ASAP1: variants seen among roughly 807,000 people sequenced by gnomAD.
The protein encoded by ASAP1 is arf-GAP with SH3 domain, ANK repeat and PH domain-containing protein 1.
In ASAP1, 43 loss-of-function variants were observed where a neutral mutation model predicts 145.2. The ratio of observed to expected loss-of-function variants is 0.30; its 90% CI spans 0.23 to 0.38. The LOEUF (loss-of-function observed/expected upper bound fraction) is 0.38, where lower values mean the gene tolerates loss of function less well. Ranked by LOEUF, ASAP1 falls within the 10% of genes least tolerant of loss-of-function variation. ASAP1 has a pLI of 1.00. For missense variants in ASAP1, 1,018 were observed against 1,355.3 expected, an observed-to-expected ratio of 0.75 and a Z score of 3.91; for synonymous variants, 546 against 515.5, an observed-to-expected ratio of 1.06 and a Z score of -0.80.
chr8:130,402,182 C>G (rs774586511), intron 1 of ASAP1, among the ~76,000 whole-genome samples: 7 of 152,190 alleles, frequency 4.6e-5, no homozygotes, highest in Non-Finnish European at 1.0e-4. Flanking sequence ...AATCTCTGTG[C>G]AAGTAAGTGC....
At chr8:130,439,756 G>A (rs1375578210) in intron 1 of ASAP1, among the ~76,000 whole-genome samples, 1 of 152,198 alleles carries the variant, frequency 6.6e-6, no homozygotes, top group East Asian at 1.9e-4. Flanking sequence ...AAGAACGTAA[G>A]CAGACACTCA....
chr8:130,384,380 G>A (rs910863956), intron 2 of ASAP1, among the ~76,000 whole-genome samples: 5 of 152,224 alleles, frequency 3.3e-5, no homozygotes, highest in Admixed American at 6.5e-5. Context: ...TTCTGTGTTA[G>A]TATGTGCCAC....
intron 25 of ASAP1, among the ~76,000 whole-genome samples, chr8:130,085,324 G>C (rs759629546): frequency 5.8e-4 from 88 of 152,288 alleles, no homozygotes; most frequent in Admixed American, 1.6e-3. Context: ...ATTTTGTGGA[G>C]AAATCACACT....
chr8:130,387,791 T>C (rs977197541), intron 2 of ASAP1, among the ~76,000 whole-genome samples: 3 of 152,192 alleles, frequency 2.0e-5, no homozygotes, highest in African/African-American at 7.2e-5. Flanking sequence ...ATGGTTGACT[T>C]AGCAGCAGCC....
At chr8:130,197,625 C>A (rs1289370914) in intron 5 of ASAP1, among the ~76,000 whole-genome samples, 1 of 152,196 alleles carries the variant, frequency 6.6e-6, no homozygotes, top group Non-Finnish European at 1.5e-5. Flanking sequence ...CAAATACAGG[C>A]AAAATGCCTG....
rs192273360 is a variant in ASAP1, at chr8:130,354,927, C to T, written c.186+3090G>A. Among the ~76,000 whole-genome samples the T allele has an allele frequency of 1.4e-4, 21 of 152,356 alleles. No homozygotes were observed. The East Asian group carries it at 3.5e-3, about 25-fold the overall frequency. ...TTGAGACGTAGCCTCACTCTGTCGC[C>T]TAACCTGGTGTGCAGTGGTGCGATC... On this transcript the variant is annotated intron_variant, in intron 3 of 29. Transcript: ENST00000518721.
At position 130,112,219 on chromosome 8, in the gene ASAP1, G is replaced by A. The variant is rs2097548074; in HGVS notation, c.2276C>T (p.Pro759Leu). 9 of 1,614,218 alleles carry A rather than the reference G, an allele frequency of 5.6e-6. No individual in the cohort carries two copies. Among genetic ancestry groups the A allele is most frequent in the Non-Finnish European group, 7.6e-6 (9 of 1,180,054 alleles). ...DKLALPGFST[P>L]RDKQRLSYGA... Reference sequence around the variant, plus strand: ...ATAGGAGAGCCGCTGTTTGTCCCTTGGAGTGCTGAATCCTGGCAGTGCCAG... The same window carrying A: ...ATAGGAGAGCCGCTGTTTGTCCCTTAGAGTGCTGAATCCTGGCAGTGCCAG... Residue 759 changes from proline to leucine, a missense_variant, in exon 24 of 30, where the codon CCA (proline) becomes CTA (leucine). Pro to Leu is a moderately conservative substitution (Grantham distance 98). Coordinates refer to ENST00000518721, the MANE Select transcript of ASAP1 (RefSeq NM_018482.4).
At chr8:130,371,510 A>T (rs1827213171) in intron 2 of ASAP1, among the ~76,000 whole-genome samples, 1 of 152,248 alleles carries the variant, frequency 6.6e-6, no homozygotes, top group South Asian at 2.1e-4. Flanking sequence ...CTTACAGCTA[A>T]GGTGGCTATA....
At chr8:130,256,771 ATATATATATATCCT>A (rs1257449056) in intron 3 of ASAP1, among the ~76,000 whole-genome samples, 26 of 116,292 alleles carry the variant, frequency 2.2e-4, no homozygotes, top group Non-Finnish European at 4.0e-4. Flanking sequence ...ATATATATAT[ATATATATATATCCT>A]TATATATATA....
At chr8:130,072,279 C>G (rs1422639322) in intron 27 of ASAP1, among the ~76,000 whole-genome samples, 2 of 152,132 alleles carry the variant, frequency 1.3e-5, no homozygotes, top group African/African-American at 2.4e-5. Flanking sequence ...AATTGTAGCC[C>G]CCATAATTTC....
intron 25 of ASAP1, among the ~76,000 whole-genome samples, chr8:130,080,696 A>T (rs996272432): frequency 2.0e-5 from 3 of 151,878 alleles, no homozygotes; most frequent in Admixed American, 2.0e-4. Flanking sequence ...GTAGTGGTGC[A>T]ATCTCAGCTC....
rs1367514648 is a variant in ASAP1, at chr8:130,308,208, C to T, written c.186+49809G>A. Among the ~76,000 whole-genome samples, 11 of 152,292 alleles carry T rather than the reference C, an allele frequency of 7.2e-5. No homozygotes were observed. The South Asian group carries it at 2.3e-3, about 32-fold the overall frequency. On this transcript the variant is annotated intron_variant, in intron 3 of 29. Coordinates refer to ENST00000518721, the MANE Select transcript of ASAP1 (RefSeq NM_018482.4). Reference sequence around the variant, plus strand: ...TAGATTCTATAAGCTAAGATTTTCACAGTTGTCCAATTCAAAATATACTTG... The same window carrying T: ...TAGATTCTATAAGCTAAGATTTTCATAGTTGTCCAATTCAAAATATACTTG...
intron 5 of ASAP1, among the ~76,000 whole-genome samples, chr8:130,190,465 C>G (rs1414482984): frequency 2.0e-5 from 3 of 152,074 alleles, no homozygotes; most frequent in Non-Finnish European, 4.4e-5. Flanking sequence ...TGACTGTGAG[C>G]ATGTGAATTT....
chr8:130,329,690 AAAC>A (rs1358005624), intron 3 of ASAP1, among the ~76,000 whole-genome samples: 1 of 152,208 alleles, frequency 6.6e-6, no homozygotes, highest in Non-Finnish European at 1.5e-5. Flanking sequence ...TTTTAAGAAA[AAAC>A]AAAGAGCTCT....
rs118102653 is a variant in ASAP1, at chr8:130,229,055, C to T, written c.259+7867G>A. Among the ~76,000 whole-genome samples the T allele has an allele frequency of 1.1e-4, 16 of 152,212 alleles. No individual in the cohort carries two copies. The East Asian group carries it at 2.5e-3, about 24-fold the overall frequency. On this transcript the variant is annotated intron_variant, in intron 4 of 29. Coordinates refer to ENST00000518721, the MANE Select transcript of ASAP1 (RefSeq NM_018482.4). ...CTGTGAATGCAACAGACAAACTAGCCGAGCAAAGTCATCCTCTATCAACCT... is the reference window on the plus strand; with the variant it reads ...CTGTGAATGCAACAGACAAACTAGCTGAGCAAAGTCATCCTCTATCAACCT...
At chr8:130,184,684 G>GT (rs1276793976) in intron 7 of ASAP1, among the ~76,000 whole-genome samples, 1 of 152,186 alleles carries the variant, frequency 6.6e-6, no homozygotes, top group Non-Finnish European at 1.5e-5. Flanking sequence ...TGCTGACAGA[G>GT]TAAGTCTTAA....
At chr8:130,267,377 A>C (rs1380082438) in intron 3 of ASAP1, among the ~76,000 whole-genome samples, 2 of 152,222 alleles carry the variant, frequency 1.3e-5, no homozygotes, top group African/African-American at 4.8e-5. Context: ...CTGACAGCTA[A>C]GACTTACTGA....
chr8:130,351,136 G>C (rs1299232974), intron 3 of ASAP1, among the ~76,000 whole-genome samples: 1 of 152,166 alleles, frequency 6.6e-6, no homozygotes, highest in Non-Finnish European at 1.5e-5. Context: ...TCTAGCACTA[G>C]AAACCAAATA....
chr8:130,233,720 C>G (rs1586649638), intron 4 of ASAP1, among the ~76,000 whole-genome samples: 1 of 152,258 alleles, frequency 6.6e-6, no homozygotes, highest in South Asian at 2.1e-4. Flanking sequence ...GTTTGATGAT[C>G]TGATTAACAT....
Sources: gnomAD v4.1 joint callset for allele counts (sites outside exome capture counted in the v4.1 genomes callset) on GRCh38, gnomAD v4.1.1 for gene constraint, MANE v1.5 for transcripts, NCBI Gene and HGNC (gene_info 2026-07-23, HGNC 2026-07-21) for gene names.